Variants in OS9 observed in about 807,000 individuals in gnomAD.
OS9 encodes protein OS-9.
A neutral mutation model predicts 84.7 loss-of-function variants in OS9; 58 were observed. The ratio of observed to expected loss-of-function variants is 0.68; its 90% CI spans 0.55 to 0.85. The LOEUF (loss-of-function observed/expected upper bound fraction) is 0.85, where lower values mean the gene tolerates loss of function less well. OS9 is among the 40% of genes least tolerant of loss of function. The pLI is 0.00. For synonymous variants in OS9, 278 were observed against 320.8 expected (o/e 0.87, Z 1.43); for missense variants, 760 against 850.9 (o/e 0.89, Z 1.33).
In OS9 at chr12:57,720,145, T is replaced by A; in HGVS notation, c.1647T>A (p.Arg549=). The A allele has an allele frequency of 6.2e-7, 1 of 1,614,090 alleles. No homozygotes were observed. The highest frequency in any genetic ancestry group is 1.1e-5 in the South Asian group (1 of 91,074). Reference sequence around the variant, plus strand: ...TCCGGGTCCGGGTCACCAAGCTCCGTCTCGGAGGCCCTAATCAGGATCTGA... The same window carrying A: ...TCCGGGTCCGGGTCACCAAGCTCCGACTCGGAGGCCCTAATCAGGATCTGA... ...HRVRVRVTKL[R]LGGPNQDLTV... Residue 549 remains arginine, a synonymous_variant, in exon 13 of 15, where the codon CGT becomes CGA. Coordinates refer to ENST00000315970, the MANE Select transcript of OS9 (RefSeq NM_006812.4).
intron 5 of OS9, 70 bp downstream of exon 5, chr12:57,696,443 T>C (rs1953838829): frequency 4.8e-5 from 12 of 250,598 alleles, no homozygotes; most frequent in East Asian, 1.1e-4. Context: ...GAGGGTTGCA[T>C]CTTATAGTCG....
At chr12:57,702,075 G>A (rs1366188427) in intron 5 of OS9, among the ~76,000 whole-genome samples, 1 of 152,194 alleles carries the variant, frequency 6.6e-6, no homozygotes, top group Non-Finnish European at 1.5e-5. Context: ...GATTACAGGT[G>A]TGAGCCACCA....
rs978340142 is a variant in OS9, at chr12:57,694,610, A to G, written c.163-140A>G. The G allele has an allele frequency of 1.5e-5, 13 of 891,534 alleles. No homozygotes were observed. In the African/African-American group the frequency reaches 2.0e-4, roughly 14 times the overall value. 55.2% of individuals were successfully genotyped at this position (891,534 alleles called of 1,614,324 possible). On this transcript the variant is annotated intron_variant, in intron 1 of 14. Coordinates refer to ENST00000315970, the MANE Select transcript of OS9 (RefSeq NM_006812.4). Reference sequence around the variant, plus strand: ...ATGGGAGCGCCCTCTCCTCTCACCCACTAAATACAGCTGGAGGGCTTATGG... The same window carrying G: ...ATGGGAGCGCCCTCTCCTCTCACCCGCTAAATACAGCTGGAGGGCTTATGG...
rs1026504958 is a variant in OS9, at chr12:57,705,174, T to C, written c.579+8801T>C. On this transcript the variant is annotated intron_variant, in intron 5 of 14. Transcript: ENST00000315970. Reference sequence around the variant, plus strand: ...CTTTTTCATAAATCTTGGTATCTGGTAGGATATACTCCCCTTTTTTCTTCA... The same window carrying C: ...CTTTTTCATAAATCTTGGTATCTGGCAGGATATACTCCCCTTTTTTCTTCA... Among the ~76,000 whole-genome samples the C allele has an allele frequency of 3.9e-5, 6 of 152,206 alleles. No homozygotes were observed. In the East Asian group the frequency reaches 1.2e-3, roughly 29 times the overall value.
At position 57,711,038 on chromosome 12, in the gene OS9, C is replaced by CAA. The variant is rs35365273; in HGVS notation, c.580-4700_580-4699dup. Among the ~76,000 whole-genome samples, 484 of 71,610 alleles carry CAA rather than the reference C, an allele frequency of 6.8e-3. 1 individual carries two copies. The highest frequency in any genetic ancestry group is 0.018 in the South Asian group (30 of 1,672). The allele number at this position is 71,610 out of a possible 152,430, so 47.0% of individuals were successfully genotyped here. A position where few individuals can be genotyped will look rare whatever the true frequency, so the allele number is the denominator to read the frequency against. On this transcript the variant is annotated intron_variant, in intron 5 of 14. Transcript: ENST00000315970. ...TGGGTGACTGAGCAAGACTCCGTCT[C>CAA]AAAAAAAAAAAAAAAAAAAAAAAGA...
chr12:57,715,365 AAATAAT>A (rs368406332), intron 5 of OS9, among the ~76,000 whole-genome samples: 7 of 151,672 alleles, frequency 4.6e-5, no homozygotes, highest in South Asian at 2.1e-4. Flanking sequence ...TCCATCTCAA[AAATAAT>A]AATAATAATA....
chr12:57,705,546 ATTT>A (rs1954141219), intron 5 of OS9, among the ~76,000 whole-genome samples: 1 of 151,794 alleles, frequency 6.6e-6, no homozygotes, highest in Non-Finnish European at 1.5e-5. Context: ...TATTATTATT[ATTT>A]TTTGAGATGG....
At position 57,694,908 on chromosome 12, in the gene OS9, T is replaced by C; in HGVS notation, c.321T>C (p.Asp107=). The change falls in exon 2 of 15, where the codon GAT becomes GAC. Residue 107 remains aspartate (D), a synonymous_variant. Coordinates refer to ENST00000315970, the MANE Select transcript of OS9 (RefSeq NM_006812.4). ...CTGAGTTGTTGAGCCCAATGAGAGA[T>C]GCTCCCTGCTTGCTGAAGGTGAAAG... is the stretch of plus-strand genomic sequence containing the variant. ...GIPELLSPMR[D]APCLLKTKDW... 6.2e-7 allele frequency: 1 copy of C among 1,612,336 alleles called. No individual in the cohort carries two copies. Among genetic ancestry groups the C allele is most frequent in the Non-Finnish European group, 8.5e-7 (1 of 1,178,372 alleles).
At chr12:57,719,215 G>A (rs1429536319) in intron 12 of OS9, 33 bp downstream of exon 12, 1 of 1,593,602 alleles carries the variant, frequency 6.3e-7, no homozygotes, top group Non-Finnish European at 8.6e-7. Flanking sequence ...GAGTAGCCCA[G>A]TCTGTTGTTT....
intron 8 of OS9, 26 bp from the exon 9 acceptor site, chr12:57,716,667 T>C (rs987606918): frequency 6.2e-7 from 1 of 1,612,066 alleles, no homozygotes; most frequent in East Asian, 2.2e-5. Context: ...CTTTCATACT[T>C]GACTCTCTCC....
intron 5 of OS9, among the ~76,000 whole-genome samples, chr12:57,708,119 T>G (rs1274487935): frequency 6.6e-6 from 1 of 152,064 alleles, no homozygotes; most frequent in Non-Finnish European, 1.5e-5. Flanking sequence ...AATTCTATAT[T>G]AAATTTTCTG....
chr12:57,696,690 G>A (rs1427984516), intron 5 of OS9, among the ~76,000 whole-genome samples: 4 of 152,026 alleles, frequency 2.6e-5, no homozygotes, highest in Non-Finnish European at 5.9e-5. Context: ...CAGCTACTCG[G>A]GAGGCTGAGA....
At position 57,721,031 on chromosome 12, in the gene OS9, A is replaced by T; in HGVS notation, c.*122A>T. The T allele has an allele frequency of 8.6e-7, 1 of 1,166,194 alleles. No homozygotes were observed. The highest frequency in any genetic ancestry group is 1.2e-6 in the Non-Finnish European group (1 of 813,106). 72.2% of individuals were successfully genotyped at this position (1,166,194 alleles called of 1,614,324 possible). On this transcript the variant is annotated 3_prime_UTR_variant, in exon 15 of 15. Coordinates refer to ENST00000315970, the MANE Select transcript of OS9 (RefSeq NM_006812.4). ...ACAGCAGAGTGGAGCTGAGCTGTGGACCTCTCGGGCAACTCTGTGGGTGTG... is the reference window on the plus strand; with the variant it reads ...ACAGCAGAGTGGAGCTGAGCTGTGGTCCTCTCGGGCAACTCTGTGGGTGTG...
In OS9 at chr12:57,720,479, G is replaced by T; in HGVS notation, c.1839G>T (p.Glu613Asp). 1 of 1,613,832 alleles carries T rather than the reference G, an allele frequency of 6.2e-7. No individual in the cohort carries two copies. Among genetic ancestry groups the T allele is most frequent in the South Asian group, 1.1e-5 (1 of 91,068 alleles). Residue 613 changes from glutamate to aspartate, a missense_variant, in exon 14 of 15, where the codon GAG becomes GAT. Coordinates refer to ENST00000315970, the MANE Select transcript of OS9 (RefSeq NM_006812.4). ...TEEGARWLTD[E>D]DTRNLKEIFF... ...AGGGTGCACGTTGGCTGACTGATGA[G>T]GACACGAGAAACCTCAAGGAGATCT...
chr12:57,714,914 T>G (rs1015868125), intron 5 of OS9, among the ~76,000 whole-genome samples: 1 of 152,240 alleles, frequency 6.6e-6, no homozygotes, highest in Non-Finnish European at 1.5e-5. Flanking sequence ...ATAGTTATTT[T>G]AGAAATTAGA....
chr12:57,699,136 C>T (rs909786086), intron 5 of OS9, among the ~76,000 whole-genome samples: 1 of 152,008 alleles, frequency 6.6e-6, no homozygotes, highest in Non-Finnish European at 1.5e-5. Flanking sequence ...GAGGGTGATT[C>T]GTGTTCCTGA....
chr12:57,713,698 C>CTTT (rs1045862160), intron 5 of OS9, among the ~76,000 whole-genome samples: 1 of 131,826 alleles, frequency 7.6e-6, no homozygotes. Context: ...CCCCACCCCA[C>CTTT]TTTTTTTTTT....
At chr12:57,712,782 C>T (rs1357964794) in intron 5 of OS9, among the ~76,000 whole-genome samples, 2 of 151,950 alleles carry the variant, frequency 1.3e-5, no homozygotes, top group African/African-American at 4.8e-5. Context: ...CCCCTCACAA[C>T]ATGAAGCCTC....
intron 5 of OS9, among the ~76,000 whole-genome samples, chr12:57,710,133 G>C (rs543650346): frequency 6.6e-6 from 1 of 152,164 alleles, no homozygotes; most frequent in African/African-American, 2.4e-5. Flanking sequence ...GATTACAGGC[G>C]TGAGCCACCC....
Sources: gnomAD v4.1 joint callset for allele counts (sites outside exome capture counted in the v4.1 genomes callset) on GRCh38, gnomAD v4.1.1 for gene constraint, MANE v1.5 for transcripts, NCBI Gene and HGNC (gene_info 2026-07-23, HGNC 2026-07-21) for gene names.